Variants in XPR1 observed in about 807,000 individuals in gnomAD.
The protein encoded by XPR1 is xenotropic and polytropic retrovirus receptor 1, also known as solute carrier family 53 member 1.
XPR1 carries 28 observed loss-of-function variants against 87.5 expected under a neutral mutation model. The observed-to-expected ratio is 0.32, with a 90% confidence interval of 0.24 to 0.44. The LOEUF (loss-of-function observed/expected upper bound fraction) is 0.44, where lower values mean the gene tolerates loss of function less well. Among genes scored for constraint, XPR1 ranks in the 20% least tolerant of loss-of-function variants. The pLI is 1.00. For synonymous variants in XPR1, 300 were observed against 306.1 expected, an observed-to-expected ratio of 0.98 and a Z score of 0.21; for missense variants, 559 against 862.3, an observed-to-expected ratio of 0.65 and a Z score of 4.41.
At chr1:180,774,725 A>G (rs1648645995) in intron 2 of XPR1, among the ~76,000 whole-genome samples, 1 of 152,058 alleles carries the variant, frequency 6.6e-6, no homozygotes, top group South Asian at 2.1e-4. Flanking sequence ...CTATCTTTTT[A>G]TATCTGACCA....
intron 2 of XPR1, among the ~76,000 whole-genome samples, chr1:180,739,149 G>C (rs1328885950): frequency 6.6e-6 from 1 of 152,068 alleles, no homozygotes; most frequent in Non-Finnish European, 1.5e-5. Flanking sequence ...CTTCTCCTTT[G>C]AATTGCCTGT....
chr1:180,846,084 AC>A (rs1258987465), intron 11 of XPR1, among the ~76,000 whole-genome samples: 2 of 151,994 alleles, frequency 1.3e-5, no homozygotes, highest in Non-Finnish European at 2.9e-5. Flanking sequence ...ACATGGCAAA[AC>A]CCTGTCTCTA....
chr1:180,664,235 A>T (rs1336579031), intron 1 of XPR1, among the ~76,000 whole-genome samples: 5 of 152,128 alleles, frequency 3.3e-5, no homozygotes, highest in African/African-American at 1.2e-4. Flanking sequence ...ACAGCTGTGA[A>T]TGTGCCGGCT....
intron 1 of XPR1, among the ~76,000 whole-genome samples, chr1:180,668,775 C>A (rs1023888859): frequency 6.6e-6 from 1 of 152,060 alleles, no homozygotes; most frequent in Non-Finnish European, 1.5e-5. Flanking sequence ...AAAATACTTT[C>A]TTTGTATGAT....
At chr1:180,787,965 A>G (rs1051837963) in intron 3 of XPR1, 111 bp downstream of exon 3, 4 of 724,192 alleles carry the variant, frequency 5.5e-6, no homozygotes, top group African/African-American at 3.1e-5. Context: ...TTTCCTTACT[A>G]TACTGCACTT....
intron 1 of XPR1, 114 bp downstream of exon 1, chr1:180,632,384 C>A: frequency 7.2e-7 from 1 of 1,380,018 alleles, no homozygotes; most frequent in Non-Finnish European, 1.0e-6. Flanking sequence ...CAGACTTTGA[C>A]CCGCTGCCGC....
intron 2 of XPR1, among the ~76,000 whole-genome samples, chr1:180,778,917 T>G (rs1648834157): frequency 6.6e-6 from 1 of 152,218 alleles, no homozygotes; most frequent in Admixed American, 6.5e-5. Flanking sequence ...GCACTTAGAA[T>G]AGAGTTCAAA....
At chr1:180,726,134 A>G (rs1406919613) in intron 2 of XPR1, among the ~76,000 whole-genome samples, 1 of 152,176 alleles carries the variant, frequency 6.6e-6, no homozygotes, top group Admixed American at 6.5e-5. Context: ...TAAATGCACG[A>G]ATCAGCCCTC....
chr1:180,812,579 C>A (rs1650257000), intron 7 of XPR1, among the ~76,000 whole-genome samples: 1 of 151,966 alleles, frequency 6.6e-6, no homozygotes, highest in African/African-American at 2.4e-5. Context: ...GGTCTGTCTT[C>A]AAACCATGTT....
chr1:180,789,926 G>C (rs1342735873), intron 3 of XPR1, among the ~76,000 whole-genome samples: 1 of 152,074 alleles, frequency 6.6e-6, no homozygotes, highest in African/African-American at 2.4e-5. Context: ...CTGTAACTGT[G>C]CCCTCAAAGC....
intron 1 of XPR1, among the ~76,000 whole-genome samples, chr1:180,652,969 C>A (rs944897691): frequency 6.6e-6 from 1 of 152,206 alleles, no homozygotes; most frequent in Non-Finnish European, 1.5e-5. Context: ...TCTGGAGGAT[C>A]CAATTCTAGG....
At chr1:180,693,833 A>G (rs1657073098) in intron 2 of XPR1, among the ~76,000 whole-genome samples, 1 of 152,198 alleles carries the variant, frequency 6.6e-6, no homozygotes, top group African/African-American at 2.4e-5. Context: ...ATCTATAATT[A>G]CATTACAAAG....
chr1:180,754,808 T>G (rs1647668282), intron 2 of XPR1, among the ~76,000 whole-genome samples: 1 of 152,076 alleles, frequency 6.6e-6, no homozygotes, highest in Non-Finnish European at 1.5e-5. Flanking sequence ...GTTTTCTCCT[T>G]TCTCAAAAAA....
chr1:180,850,114 G>T (rs1456182396), intron 11 of XPR1, among the ~76,000 whole-genome samples: 2 of 151,960 alleles, frequency 1.3e-5, no homozygotes, highest in Admixed American at 6.6e-5. Flanking sequence ...TTGATTTTTT[G>T]GTAGCATTTG....
chr1:180,875,364 C>T (rs1315193423), intron 13 of XPR1, among the ~76,000 whole-genome samples: 2 of 151,944 alleles, frequency 1.3e-5, no homozygotes, highest in Non-Finnish European at 2.9e-5. Context: ...CAAAAATTAG[C>T]TGGGCATGGT....
chr1:180,805,433 C>G (rs557503346), intron 4 of XPR1, among the ~76,000 whole-genome samples: 1 of 152,268 alleles, frequency 6.6e-6, no homozygotes, highest in East Asian at 1.9e-4. Context: ...AAAATAGGGA[C>G]TTCTACCCAT....
intron 2 of XPR1, among the ~76,000 whole-genome samples, chr1:180,739,777 GT>G (rs1381359180): frequency 6.6e-6 from 1 of 152,020 alleles, no homozygotes; most frequent in Non-Finnish European, 1.5e-5. Context: ...GTCTCACTAT[GT>G]TTCCCAGGCT....
chr1:180,811,088 T>C (rs1020010805), intron 6 of XPR1, among the ~76,000 whole-genome samples: 5 of 152,180 alleles, frequency 3.3e-5, no homozygotes, highest in African/African-American at 1.2e-4. Context: ...TTTTTACTGG[T>C]TTTTGTTCCT....
intron 11 of XPR1, among the ~76,000 whole-genome samples, chr1:180,840,205 G>A (rs1651455309): frequency 7.5e-6 from 1 of 133,692 alleles, no homozygotes; most frequent in Non-Finnish European, 1.6e-5. Flanking sequence ...AGTCCGGCCT[G>A]GGCGACAGAG....
Sources: allele counts gnomAD v4.1 joint callset (sites outside exome capture counted in the v4.1 genomes callset), GRCh38; gene constraint gnomAD v4.1.1; transcripts MANE v1.5; gene names NCBI Gene and HGNC (gene_info 2026-07-23, HGNC 2026-07-21).